Variants in TSHZ2 observed in about 807,000 individuals in gnomAD.
TSHZ2 encodes the protein teashirt homolog 2.
A neutral mutation model predicts 74.4 loss-of-function variants in TSHZ2; 21 were observed. The observed-to-expected ratio is 0.28, with a 90% CI of 0.20 to 0.41. The LOEUF (loss-of-function observed/expected upper bound fraction) is 0.41, where lower values mean the gene tolerates loss of function less well. Among genes scored for constraint, TSHZ2 ranks in the 10% least tolerant of loss-of-function variants. TSHZ2 has a pLI of 1.00. For missense variants in TSHZ2, 1,244 were observed against 1,293.5 expected (o/e 0.96, Z 0.59); for synonymous variants, 540 against 515.3 (o/e 1.05, Z -0.65).
chr20:53,000,253 T>G (rs1048022729), intron 1 of TSHZ2, among the ~76,000 whole-genome samples: 2 of 152,222 alleles, frequency 1.3e-5, no homozygotes, highest in Non-Finnish European at 2.9e-5. Context: ...AAAATTAGTT[T>G]TCTTAGGTTA....
At chr20:53,444,401 G>C (rs1410859780) in intron 2 of TSHZ2, among the ~76,000 whole-genome samples, 1 of 152,120 alleles carries the variant, frequency 6.6e-6, no homozygotes, top group Non-Finnish European at 1.5e-5. Flanking sequence ...GAGTGCCGGG[G>C]ACAGGGGAGG....
intron 2 of TSHZ2, among the ~76,000 whole-genome samples, chr20:53,274,269 AAAAT>A (rs933443798): frequency 1.7e-4 from 26 of 152,198 alleles, no homozygotes; most frequent in African/African-American, 2.4e-4. Context: ...ACTCCATCTC[AAAAT>A]AAATAAATAA....
intron 1 of TSHZ2, among the ~76,000 whole-genome samples, chr20:53,197,203 T>C (rs1988891468): frequency 6.6e-6 from 1 of 152,252 alleles, no homozygotes; most frequent in African/African-American, 2.4e-5. Context: ...TACTGATTTA[T>C]TTATGATGTA....
chr20:53,162,157 CATT>C (rs1329575901), intron 1 of TSHZ2, among the ~76,000 whole-genome samples: 1 of 152,102 alleles, frequency 6.6e-6, no homozygotes, highest in African/African-American at 2.4e-5. Flanking sequence ...TTGTGGATTG[CATT>C]ATTCTTTTCT....
intron 1 of TSHZ2, among the ~76,000 whole-genome samples, chr20:53,150,574 A>G (rs1015271294): frequency 2.0e-5 from 3 of 152,098 alleles, no homozygotes; most frequent in Non-Finnish European, 2.9e-5. Flanking sequence ...CTTCACAGGG[A>G]GTGTTGGTGG....
intron 2 of TSHZ2, among the ~76,000 whole-genome samples, chr20:53,470,255 A>G (rs1985756410): frequency 6.6e-6 from 1 of 152,240 alleles, no homozygotes; most frequent in Admixed American, 6.5e-5. Flanking sequence ...AGTATTCAAT[A>G]TATTTAAGCA....
At chr20:53,360,411 G>C (rs527532571) in intron 2 of TSHZ2, among the ~76,000 whole-genome samples, 1 of 152,262 alleles carries the variant, frequency 6.6e-6, no homozygotes, top group East Asian at 1.9e-4. Flanking sequence ...TTTGTTAACC[G>C]AAGTCAATAA....
chr20:53,305,217 C>A (rs1332846297), intron 2 of TSHZ2, among the ~76,000 whole-genome samples: 1 of 152,158 alleles, frequency 6.6e-6, no homozygotes, highest in Non-Finnish European at 1.5e-5. Flanking sequence ...GGATTACAGG[C>A]ATGAGCCACC....
At position 53,006,663 on chromosome 20, in the gene TSHZ2, G is replaced by A. The variant is rs6126718; in HGVS notation, c.40+33330G>A. Among the ~76,000 whole-genome samples the A allele has an allele frequency of 6.2e-3, 951 of 152,330 alleles. 79 individuals are homozygous for A. In the East Asian group the frequency reaches 0.17, roughly 27 times the overall value. Reference sequence around the variant, plus strand: ...CAATTTCCTAAGCAGCACAAGTTAAGTAAATCACACGTGGTACCTGAATTC... The same window carrying A: ...CAATTTCCTAAGCAGCACAAGTTAAATAAATCACACGTGGTACCTGAATTC... On this transcript the variant is annotated intron_variant, in intron 1 of 2. Coordinates refer to ENST00000371497, the MANE Select transcript of TSHZ2 (RefSeq NM_173485.6).
intron 2 of TSHZ2, among the ~76,000 whole-genome samples, chr20:53,429,635 C>T (rs915414737): frequency 2.0e-5 from 3 of 152,164 alleles, no homozygotes; most frequent in African/African-American, 7.2e-5. Flanking sequence ...ATTGCCCAGT[C>T]TCAGGTATGT....
chr20:53,421,910 T>A (rs749045130), intron 2 of TSHZ2, among the ~76,000 whole-genome samples: 2 of 152,136 alleles, frequency 1.3e-5, no homozygotes, highest in East Asian at 3.9e-4. Flanking sequence ...CTCGATCTCC[T>A]GACCTTGTGA....
intron 1 of TSHZ2, among the ~76,000 whole-genome samples, chr20:53,141,411 C>T (rs919044467): frequency 6.6e-6 from 1 of 152,304 alleles, no homozygotes; most frequent in Non-Finnish European, 1.5e-5. Flanking sequence ...TATTTATGAT[C>T]CCCACCGTGT....
At chr20:53,051,770 C>T (rs1340971652) in intron 1 of TSHZ2, among the ~76,000 whole-genome samples, 5 of 152,218 alleles carry the variant, frequency 3.3e-5, no homozygotes, top group East Asian at 1.9e-4. Flanking sequence ...AGTTCTCACA[C>T]GAGTCTCCGT....
intron 1 of TSHZ2, among the ~76,000 whole-genome samples, chr20:53,155,629 T>G (rs374732955): frequency 7.9e-5 from 12 of 152,070 alleles, no homozygotes; most frequent in East Asian, 5.9e-4. Context: ...CAATGCACAA[T>G]ATCTTCCCAC....
rs1483088752 is a variant in TSHZ2 at position 53,124,619 on chromosome 20, TATAACAATAGTC to T, written c.41-128877_41-128866del. Among the ~76,000 whole-genome samples, 3 of 152,234 alleles carry T rather than the reference TATAACAATAGTC, an allele frequency of 2.0e-5. No individual in the cohort carries two copies. The East Asian group carries it at 5.8e-4, about 29-fold the overall frequency. ...TGAAGCCCTAGTTATAGACTCAAGTTATAACAATAGTCATCATATAGCAATAAAGATTTTCTG... is the reference window on the plus strand; with the variant it reads ...TGAAGCCCTAGTTATAGACTCAAGTTATCATATAGCAATAAAGATTTTCTG... On this transcript the variant is annotated intron_variant, in intron 1 of 2. Transcript: ENST00000371497.
chr20:53,128,157 C>A (rs1358936440), intron 1 of TSHZ2, among the ~76,000 whole-genome samples: 1 of 144,550 alleles, frequency 6.9e-6, no homozygotes, highest in Non-Finnish European at 1.5e-5. Flanking sequence ...ACTGAGTCAT[C>A]TTCCTAAGTT....
intron 2 of TSHZ2, among the ~76,000 whole-genome samples, chr20:53,419,242 G>T (rs992883500): frequency 6.6e-6 from 1 of 152,102 alleles, no homozygotes; most frequent in African/African-American, 2.4e-5. Context: ...CACTCACTAG[G>T]GTCCTGCAGA....
intron 2 of TSHZ2, chr20:53,398,945 T>A (rs1982555618): frequency 7.0e-6 from 1 of 143,632 alleles, no homozygotes; most frequent in Admixed American, 7.1e-5. Context: ...TATTCAATAA[T>A]AATAATAAGG....
chr20:53,293,744 A>G lies in TSHZ2; in HGVS notation c.*8+37173A>G, dbSNP rs375869187. Among the ~76,000 whole-genome samples the G allele has an allele frequency of 1.8e-4, 27 of 149,698 alleles. No homozygotes were observed. In the South Asian group the frequency reaches 4.9e-3, roughly 27 times the overall value. The stretch of plus-strand genomic sequence containing the variant: ...GAAAAGAAACAGGTCCTGGCCAGGC[A>G]TGGTGGCTCACACCTGTAATCCCAG... On this transcript the variant is annotated intron_variant, in intron 2 of 2. Coordinates refer to ENST00000371497, the MANE Select transcript of TSHZ2 (RefSeq NM_173485.6).
Sources: gnomAD v4.1 joint callset for allele counts (sites outside exome capture counted in the v4.1 genomes callset) on GRCh38, gnomAD v4.1.1 for gene constraint, MANE v1.5 for transcripts, NCBI Gene and HGNC (gene_info 2026-07-23, HGNC 2026-07-21) for gene names.